The following NRXN1 variants were observed in gnomAD, a reference collection of about 807,000 sequenced individuals.
NRXN1 encodes neurexin 1.
A neutral mutation model predicts 150.9 loss-of-function variants in NRXN1; 39 were observed. The ratio of observed to expected loss-of-function variants is 0.26; its 90% CI spans 0.20 to 0.34. The LOEUF (loss-of-function observed/expected upper bound fraction) is 0.34, where lower values mean the gene tolerates loss of function less well. Among genes scored for constraint, NRXN1 ranks in the 10% least tolerant of loss-of-function variants. NRXN1 has a pLI of 1.00. For missense variants in NRXN1, 1,815 were observed against 1,949.9 expected (o/e 0.93, Z 1.30); for synonymous variants, 924 against 757.0 (o/e 1.22, Z -3.62).
At chr2:50,610,333 G>T (rs1225236422) in intron 8 of NRXN1, among the ~76,000 whole-genome samples, 1 of 151,570 alleles carries the variant, frequency 6.6e-6, no homozygotes, top group Non-Finnish European at 1.5e-5. Flanking sequence ...TTTTCCAATT[G>T]TGATAGTGGA....
intron 21 of NRXN1, among the ~76,000 whole-genome samples, chr2:50,038,744 T>A (rs928723844): frequency 1.3e-5 from 2 of 150,700 alleles, no homozygotes; most frequent in Admixed American, 6.6e-5. Flanking sequence ...CTTCCCTCCC[T>A]CTCTTCCTCC....
At chr2:50,898,727 G>A (rs1447801453) in intron 5 of NRXN1, 7 of 311,734 alleles carry the variant, frequency 2.2e-5, no homozygotes, top group Non-Finnish European at 4.4e-5. Context: ...TTATTCTTCA[G>A]AAATGAATGC....
chr2:50,952,570 A>G (rs1217275042), intron 2 of NRXN1, among the ~76,000 whole-genome samples: 1 of 152,220 alleles, frequency 6.6e-6, no homozygotes, highest in Non-Finnish European at 1.5e-5. Flanking sequence ...CAAGTCTGAC[A>G]TGATCTATGC....
chr2:50,667,563 C>G (rs979743282), intron 5 of NRXN1, among the ~76,000 whole-genome samples: 3 of 151,892 alleles, frequency 2.0e-5, no homozygotes, highest in African/African-American at 7.2e-5. Flanking sequence ...ATGGGATGAG[C>G]AAAGGAAATT....
intron 2 of NRXN1, among the ~76,000 whole-genome samples, chr2:51,015,112 T>C (rs1668464009): frequency 6.6e-6 from 1 of 152,050 alleles, no homozygotes; most frequent in Non-Finnish European, 1.5e-5. Flanking sequence ...ATTTTTTAAA[T>C]TTTAAACCAA....
intron 21 of NRXN1, among the ~76,000 whole-genome samples, chr2:50,013,214 T>G (rs1028069096): frequency 1.8e-4 from 28 of 151,920 alleles, no homozygotes; most frequent in African/African-American, 6.7e-4. Context: ...AGAAGGAGAT[T>G]TGTAAATACT....
chr2:50,598,260 C>T (rs921812781), intron 8 of NRXN1, among the ~76,000 whole-genome samples: 1 of 152,118 alleles, frequency 6.6e-6, no homozygotes, highest in Non-Finnish European at 1.5e-5. Flanking sequence ...ACTCTTCCTG[C>T]CACTGCACTG....
chr2:50,009,666 G>T (rs183557374), intron 21 of NRXN1, among the ~76,000 whole-genome samples: 1 of 152,166 alleles, frequency 6.6e-6, no homozygotes, highest in Non-Finnish European at 1.5e-5. Context: ...CAAAAAGAGA[G>T]ACATATCCAA....
chr2:50,454,392 G>C (rs1355420126), intron 17 of NRXN1, among the ~76,000 whole-genome samples: 1 of 151,834 alleles, frequency 6.6e-6, no homozygotes, highest in African/African-American at 2.4e-5. Flanking sequence ...TGCTGCAATG[G>C]AATGTGAAGA....
intron 5 of NRXN1, among the ~76,000 whole-genome samples, chr2:50,712,301 T>C (rs1574203777): frequency 6.6e-6 from 1 of 152,134 alleles, no homozygotes; most frequent in African/African-American, 2.4e-5. Context: ...TCTCCGTATA[T>C]CAAAGCAACA....
chr2:50,449,861 C>T (rs887801942), intron 17 of NRXN1, among the ~76,000 whole-genome samples: 6 of 152,116 alleles, frequency 3.9e-5, no homozygotes, highest in African/African-American at 1.2e-4. Context: ...TGTTACCATA[C>T]ATCATCTTTA....
chr2:50,125,243 C>T (rs1208910677), intron 18 of NRXN1, among the ~76,000 whole-genome samples: 1 of 152,090 alleles, frequency 6.6e-6, no homozygotes, highest in Non-Finnish European at 1.5e-5. Context: ...CACAATGTTA[C>T]TTCTCAGTAG....
chr2:50,373,280 A>G (rs2080160233), intron 17 of NRXN1, among the ~76,000 whole-genome samples: 1 of 119,440 alleles, frequency 8.4e-6, no homozygotes, highest in African/African-American at 3.6e-5. Flanking sequence ...TATCAGATTT[A>G]TTTTATTTTA....
At chr2:50,497,786 A>G (rs1307383954) in intron 13 of NRXN1, 72 bp from the exon 14 acceptor site, 5 of 1,407,294 alleles carry the variant, frequency 3.6e-6, no homozygotes, top group Non-Finnish European at 1.9e-6. Context: ...TTTCATAACA[A>G]TATCACATTC....
intron 21 of NRXN1, among the ~76,000 whole-genome samples, chr2:49,984,438 C>A (rs1680555203): frequency 6.6e-6 from 1 of 152,066 alleles, no homozygotes; most frequent in Admixed American, 6.6e-5. Flanking sequence ...AGAAACTTCT[C>A]TAGCAATAAA....
intron 5 of NRXN1, among the ~76,000 whole-genome samples, chr2:50,710,601 C>T (rs1459104735): frequency 6.6e-6 from 1 of 152,022 alleles, no homozygotes; most frequent in Admixed American, 6.6e-5. Context: ...ATTTTTTAGC[C>T]TAAACATACT....
Position 50,929,003 on chromosome 2 carries a change from G to A in NRXN1, c.773-3048C>T, listed in dbSNP as rs373941288. The stretch of plus-strand genomic sequence containing the variant: ...TTTTATTTTTCTTTCAGATAGGATG[G>A]GCTTCTCTCACAAAGATGGGAATTA... On this transcript the variant is annotated intron_variant, in intron 2 of 22. Transcript: ENST00000401669. Among the ~76,000 whole-genome samples the A allele has an allele frequency of 1.1e-4, 16 of 152,048 alleles. No individual in the cohort carries two copies. In the South Asian group the frequency reaches 2.7e-3, roughly 26 times the overall value.
intron 22 of NRXN1, among the ~76,000 whole-genome samples, chr2:49,929,094 A>C (rs527786054): frequency 1.0e-3 from 155 of 152,274 alleles, no homozygotes; most frequent in African/African-American, 3.5e-3. Context: ...CACCACTCTG[A>C]TATTGAGACG....
intron 12 of NRXN1, among the ~76,000 whole-genome samples, chr2:50,514,642 A>G (rs377472161): frequency 2.0e-5 from 3 of 152,216 alleles, no homozygotes; most frequent in African/African-American, 7.2e-5. Context: ...TTACTATTGC[A>G]ATGTAAAAGC....
Sources: allele counts gnomAD v4.1 joint callset (sites outside exome capture counted in the v4.1 genomes callset), GRCh38; gene constraint gnomAD v4.1.1; transcripts MANE v1.5; gene names NCBI Gene and HGNC (gene_info 2026-07-23, HGNC 2026-07-21).